Variants in KDM4B observed in about 807,000 individuals in gnomAD.
KDM4B encodes the protein lysine-specific demethylase 4B.
Under a neutral mutation model 125.2 loss-of-function variants are expected in KDM4B, and 32 were observed. The ratio of observed to expected loss-of-function variants is 0.26; its 90% CI spans 0.19 to 0.34. The LOEUF (loss-of-function observed/expected upper bound fraction) is 0.34, where lower values mean the gene tolerates loss of function less well. Among genes scored for constraint, KDM4B ranks in the 10% least tolerant of loss-of-function variants. The pLI is 1.00. For synonymous variants in KDM4B, 721 were observed against 677.9 expected (o/e 1.06, Z -0.99); for missense variants, 1,190 against 1,577.7 (o/e 0.75, Z 4.16).
chr19:5,011,322 A>C (rs1452670674), intron 1 of KDM4B, among the ~76,000 whole-genome samples: 2 of 152,122 alleles, frequency 1.3e-5, no homozygotes, highest in African/African-American at 2.4e-5. Context: ...CAGGGCTTGG[A>C]AGTAGGAACG....
chr19:5,119,774 G>A lies in KDM4B; in HGVS notation c.1237G>A (p.Gly413Arg). 6.5e-7 allele frequency: 1 copy of A among 1,545,858 alleles called. No homozygotes were observed. The highest frequency in any genetic ancestry group is 1.2e-5 in the South Asian group (1 of 83,384). Residue 413 changes from glycine to arginine, a missense_variant, in exon 11 of 23, where the codon GGG (glycine) becomes AGG (arginine). Transcript: ENST00000159111. ...TGGGGGCAGCGTGAAGGAGGAGGCT[G>A]GGCCGGAGGTTGACCCCGAGGAGGA... ...EAGGSVKEEA[G>R]PEVDPEEEEE...
Position 5,114,536 on chromosome 19 carries a change from GCAGGGAGTGCGCAGCCT to G in KDM4B, c.1115+3725_1115+3741del. ...CGAGCACAGGGACCTGCCAGCCCCTGCAGGGAGTGCGCAGCCTCAGGGACTCACTTGCTGTCTCCTGT... is the reference window on the plus strand; with the variant it reads ...CGAGCACAGGGACCTGCCAGCCCCTGCAGGGACTCACTTGCTGTCTCCTGT... On this transcript the variant is annotated intron_variant, in intron 10 of 22. Transcript: ENST00000159111. This position sits in a 1 kb window ranked among gnomAD's most constrained non-coding sequence, Gnocchi z 5.8. The G allele has an allele frequency of 2.8e-6, 1 of 351,454 alleles. No individual in the cohort carries two copies. Among genetic ancestry groups the G allele is most frequent in the African/African-American group, 2.1e-5 (1 of 46,760 alleles). 21.8% of individuals were successfully genotyped at this position (351,454 alleles called of 1,614,324 possible). A position where few individuals can be genotyped will look rare whatever the true frequency, so the allele number is the denominator to read the frequency against.
intron 1 of KDM4B, among the ~76,000 whole-genome samples, chr19:4,976,312 G>T (rs2145296904): frequency 6.6e-6 from 1 of 150,812 alleles, no homozygotes; most frequent in South Asian, 2.1e-4. Context: ...AGGAATGTGA[G>T]AAAATGCGAT....
In KDM4B at chr19:5,135,425, C is replaced by T. The variant is rs551233959; in HGVS notation, c.2172C>T (p.Thr724=). The T allele has an allele frequency of 6.2e-7, 1 of 1,613,668 alleles. No homozygotes were observed. Among genetic ancestry groups the T allele is most frequent in the African/African-American group, 1.3e-5 (1 of 75,074 alleles). The change falls in exon 15 of 23, where the codon ACC becomes ACT. Residue 724 remains threonine (T), a synonymous_variant. Transcript: ENST00000159111. ...TACCCTCCAAAAGCCGTCAGAAGAC[C>T]CGACCGCTCATCCCTGAGATGTGCT... ...ATLPSKSRQK[T]RPLIPEMCFT... is the part of the protein sequence containing the mutation.
intron 9 of KDM4B, among the ~76,000 whole-genome samples, chr19:5,100,405 TTTGTTGTTGTTG>T (rs141464434): frequency 6.6e-6 from 1 of 152,056 alleles, no homozygotes; most frequent in Non-Finnish European, 1.5e-5. Context: ...CTTTTTTGTT[TTTGTTGTTGTTG>T]TTGTTGTTGT....
intron 9 of KDM4B, among the ~76,000 whole-genome samples, chr19:5,104,744 C>T (rs1039396886): frequency 6.6e-6 from 1 of 152,104 alleles, no homozygotes; most frequent in African/African-American, 2.4e-5. Flanking sequence ...CTCACACCCC[C>T]CAAAAATTAG....
intron 16 of KDM4B, 78 bp downstream of exon 16, chr19:5,137,416 G>C: frequency 7.2e-7 from 1 of 1,394,880 alleles, no homozygotes; most frequent in Non-Finnish European, 9.9e-7. Flanking sequence ...TGACTTTGGG[G>C]CGTAGTCTCC....
intron 18 of KDM4B, 36 bp from the exon 19 acceptor site, chr19:5,143,931 C>G (rs202193772): frequency 6.6e-7 from 1 of 1,522,900 alleles, no homozygotes; most frequent in Non-Finnish European, 8.9e-7. Context: ...TAGGGAAGCT[C>G]GAGCCCCATG....
chr19:5,037,984 C>T (rs892237935), intron 3 of KDM4B, among the ~76,000 whole-genome samples: 1 of 152,398 alleles, frequency 6.6e-6, no homozygotes, highest in Middle Eastern at 3.4e-3. Flanking sequence ...CTGATGTGAT[C>T]GCTGGGTCCT....
chr19:5,071,397 C>T (rs1033620364), intron 7 of KDM4B, among the ~76,000 whole-genome samples: 1 of 152,264 alleles, frequency 6.6e-6, no homozygotes, highest in African/African-American at 2.4e-5. Context: ...TTCCTCCCAT[C>T]ACCTGACCCC....
At chr19:5,089,286 G>A (rs945283588) in intron 9 of KDM4B, among the ~76,000 whole-genome samples, 3 of 152,166 alleles carry the variant, frequency 2.0e-5, no homozygotes, top group African/African-American at 4.8e-5. Flanking sequence ...CTGGAAGGCC[G>A]TCTGCCATGG....
At chr19:5,021,699 G>A (rs1484150641) in intron 2 of KDM4B, among the ~76,000 whole-genome samples, 1 of 144,578 alleles carries the variant, frequency 6.9e-6, no homozygotes, top group Non-Finnish European at 1.5e-5. Flanking sequence ...GCAGTGGCGT[G>A]ATCTTGGCTC....
Position 5,130,152 on chromosome 19 carries a change from G to A in KDM4B, c.1316-924G>A, listed in dbSNP as rs1186786858. ...CACCCTCCCGCCTCATCTTGTGAGG[G>A]CCTTGTGAGGACATCGGGCCTCTTG... is the stretch of plus-strand genomic sequence containing the variant. On this transcript the variant is annotated intron_variant, in intron 11 of 22. Coordinates refer to ENST00000159111, the MANE Select transcript of KDM4B (RefSeq NM_015015.3). 5.3e-5 allele frequency among the ~76,000 whole-genome samples: 8 copies of A among 152,184 alleles called. No individual in the cohort carries two copies. The East Asian group carries it at 1.6e-3, about 30-fold the overall frequency.
At chr19:5,029,597 C>T (rs769125586) in intron 2 of KDM4B, among the ~76,000 whole-genome samples, 11 of 152,260 alleles carry the variant, frequency 7.2e-5, no homozygotes, top group East Asian at 5.8e-4. Flanking sequence ...GAGGCCAAGG[C>T]GGGAGGATCA....
At position 5,114,065 on chromosome 19, in the gene KDM4B, C is replaced by G. The variant is rs894912221; in HGVS notation, c.1115+3247C>G. On this transcript the variant is annotated intron_variant, in intron 10 of 22. Coordinates refer to ENST00000159111, the MANE Select transcript of KDM4B (RefSeq NM_015015.3). The surrounding 1 kb of genome is among the most constrained non-coding windows in gnomAD (Gnocchi z 5.8). ...GTCGCCTAAAACTGCAGCCTGGCTC[C>G]TGGCGGGTGCCCTCAGCCTCCCCAC... 7.8e-7 allele frequency: 1 copy of G among 1,288,788 alleles called. No homozygotes were observed. Among genetic ancestry groups the G allele is most frequent in the African/African-American group, 1.5e-5 (1 of 65,826 alleles). 79.8% of individuals were successfully genotyped at this position (1,288,788 alleles called of 1,614,324 possible).
chr19:5,120,674 G>T (rs1322666248), intron 11 of KDM4B, among the ~76,000 whole-genome samples: 1 of 152,224 alleles, frequency 6.6e-6, no homozygotes, highest in Non-Finnish European at 1.5e-5. Context: ...TTTGTTTCTG[G>T]TGACTGGGTT....
At chr19:4,996,806 C>T (rs72990111) in intron 1 of KDM4B, among the ~76,000 whole-genome samples, 1,988 of 152,076 alleles carry the variant, frequency 0.013, 21 homozygotes, top group Non-Finnish European at 0.022. Flanking sequence ...GACTTAAAAA[C>T]AAAAAAACAA....
At chr19:5,006,033 T>C (rs1190995964) in intron 1 of KDM4B, among the ~76,000 whole-genome samples, 1 of 152,074 alleles carries the variant, frequency 6.6e-6, no homozygotes. Flanking sequence ...GGGAGAGGGC[T>C]CATGGGTAGG....
intron 11 of KDM4B, among the ~76,000 whole-genome samples, chr19:5,128,965 G>C (rs1473848891): frequency 6.6e-6 from 1 of 152,096 alleles, no homozygotes; most frequent in Non-Finnish European, 1.5e-5. Flanking sequence ...AGGCTCCCCT[G>C]CCGGGGTGGA....
Sources: gnomAD v4.1 joint callset for allele counts (sites outside exome capture counted in the v4.1 genomes callset) on GRCh38, gnomAD v4.1.1 for gene constraint, Gnocchi (gnomAD v3.1) non-coding constraint, MANE v1.5 for transcripts, NCBI Gene and HGNC (gene_info 2026-07-23, HGNC 2026-07-21) for gene names.